SEMA6D: variants seen among roughly 807,000 people sequenced by gnomAD.
SEMA6D encodes semaphorin 6D, also known as semaphorin-6D.
A neutral mutation model predicts 106.6 loss-of-function variants in SEMA6D; 35 were observed. The observed-to-expected ratio is 0.33, with a 90% CI of 0.25 to 0.44. The LOEUF is 0.44. Among genes scored for constraint, SEMA6D ranks in the 20% least tolerant of loss-of-function variants. The pLI, the probability that SEMA6D is intolerant of heterozygous loss-of-function variation, is 1.00. For missense variants in SEMA6D, 1,185 were observed against 1,345.9 expected (o/e 0.88, Z 1.87); for synonymous variants, 499 against 487.7 (o/e 1.02, Z -0.31).
At position 47,340,764 on chromosome 15, in the gene SEMA6D, A is replaced by G. The variant is rs183176785; in HGVS notation, c.-238-71629A>G. ...AAGCAAAAGAAAAGTAAGGAGTAGGAAAGTACTGATTCGAATAGATAGAGA... is the reference window on the plus strand; with the variant it reads ...AAGCAAAAGAAAAGTAAGGAGTAGGGAAGTACTGATTCGAATAGATAGAGA... On this transcript the variant is annotated intron_variant, in intron 1 of 19. Transcript: ENST00000558014. Among the ~76,000 whole-genome samples, 547 of 152,276 alleles carry G rather than the reference A, an allele frequency of 3.6e-3. 4 individuals carry two copies. The highest frequency in any genetic ancestry group is 0.012 in the African/African-American group (517 of 41,570).
chr15:47,209,590 G>A (rs903631787), intron 1 of SEMA6D, among the ~76,000 whole-genome samples: 3 of 152,162 alleles, frequency 2.0e-5, no homozygotes, highest in Non-Finnish European at 4.4e-5. Flanking sequence ...CACTGTTTCA[G>A]TTCAGAGATC....
At chr15:47,754,593 T>C (rs1008581072) in intron 1 of SEMA6D, among the ~76,000 whole-genome samples, 1 of 152,232 alleles carries the variant, frequency 6.6e-6, no homozygotes, top group African/African-American at 2.4e-5. Context: ...TTCAGCATTT[T>C]TACTATGATG....
At chr15:47,702,658 C>G (rs758586663) in intron 4 of SEMA6D, among the ~76,000 whole-genome samples, 1 of 152,042 alleles carries the variant, frequency 6.6e-6, no homozygotes, top group Non-Finnish European at 1.5e-5. Flanking sequence ...ATAATACATT[C>G]GGACCATGGA....
chr15:47,609,106 A>G (rs1269840145), intron 4 of SEMA6D, among the ~76,000 whole-genome samples: 1 of 152,200 alleles, frequency 6.6e-6, no homozygotes, highest in Non-Finnish European at 1.5e-5. Flanking sequence ...TGACTGTCAG[A>G]CTTGGGACAT....
chr15:47,724,036 G>A (rs1316191523), intron 1 of SEMA6D, among the ~76,000 whole-genome samples: 1 of 152,224 alleles, frequency 6.6e-6, no homozygotes, highest in African/African-American at 2.4e-5. Context: ...CAGGGACTGA[G>A]ATTCCCCTCT....
chr15:47,690,442 A>G (rs955946247), intron 4 of SEMA6D, among the ~76,000 whole-genome samples: 4 of 152,200 alleles, frequency 2.6e-5, no homozygotes, highest in African/African-American at 7.2e-5. Flanking sequence ...TTTGTCCACT[A>G]TTCTCCACAA....
At chr15:47,493,219 G>C (rs12442566) in intron 3 of SEMA6D, among the ~76,000 whole-genome samples, 48,468 of 152,044 alleles carry the variant, frequency 0.32, 7,913 homozygotes, top group Middle Eastern at 0.45. Flanking sequence ...ATAAGGCACA[G>C]GTGAACAACA....
intron 1 of SEMA6D, among the ~76,000 whole-genome samples, chr15:47,324,747 C>T (rs536010648): frequency 1.3e-4 from 19 of 150,940 alleles, no homozygotes; most frequent in Middle Eastern, 3.6e-3. Context: ...TGTGCACATA[C>T]GTGTGTATAT....
chr15:47,546,716 T>A (rs1313338223), intron 3 of SEMA6D, among the ~76,000 whole-genome samples: 1 of 151,728 alleles, frequency 6.6e-6, no homozygotes, highest in African/African-American at 2.4e-5. Flanking sequence ...TGGTGGGGCG[T>A]GTACATTTGA....
chr15:47,557,475 G>T (rs1330232231), intron 3 of SEMA6D, among the ~76,000 whole-genome samples: 1 of 152,118 alleles, frequency 6.6e-6, no homozygotes, highest in South Asian at 2.1e-4. Flanking sequence ...TGTCTTGGGT[G>T]CCACCTTCAT....
chr15:47,700,272 A>C (rs1393258915), intron 4 of SEMA6D, among the ~76,000 whole-genome samples: 1 of 152,188 alleles, frequency 6.6e-6, no homozygotes, highest in Non-Finnish European at 1.5e-5. Context: ...AAACATCAAC[A>C]AACTGATTCT....
intron 1 of SEMA6D, among the ~76,000 whole-genome samples, chr15:47,722,930 G>A (rs2079509332): frequency 6.6e-6 from 1 of 152,154 alleles, no homozygotes; most frequent in Admixed American, 6.5e-5. Flanking sequence ...TAAACAAAGT[G>A]AGGTGCTGAG....
chr15:47,260,809 C>G (rs1218035219), intron 1 of SEMA6D, among the ~76,000 whole-genome samples: 1 of 152,104 alleles, frequency 6.6e-6, no homozygotes, highest in Non-Finnish European at 1.5e-5. Context: ...TTATCAGTAG[C>G]AAGACTCCTG....
chr15:47,392,588 T>C (rs990015542), intron 1 of SEMA6D, among the ~76,000 whole-genome samples: 1 of 152,134 alleles, frequency 6.6e-6, no homozygotes, highest in Non-Finnish European at 1.5e-5. Flanking sequence ...ATGAATTCCC[T>C]CTATCCCCCA....
Position 47,772,299 on chromosome 15 carries a change from AT to A in SEMA6D, c.*523del, listed in dbSNP as rs1366831282. 7.3e-5 allele frequency: 11 copies of A among 151,352 alleles called. No homozygotes were observed. The highest frequency in any genetic ancestry group is 4.1e-4 in the South Asian group (2 of 4,926). The allele number at this position is 151,352 out of a possible 1,614,324, so 9.4% of individuals were successfully genotyped here. A position where few individuals can be genotyped will look rare whatever the true frequency, so the allele number is the denominator to read the frequency against. ...TTCAATCTTTGACCCAAGCTGTAGC[AT>A]TTTTTTTTCATGTGTGGCATCTTTT... On this transcript the variant is annotated 3_prime_UTR_variant, in exon 19 of 19. Coordinates refer to ENST00000536845, the MANE Select transcript of SEMA6D (RefSeq NM_001358351.3).
chr15:47,599,991 A>C (rs1297235305), intron 3 of SEMA6D, among the ~76,000 whole-genome samples: 1 of 152,014 alleles, frequency 6.6e-6, no homozygotes, highest in Non-Finnish European at 1.5e-5. Flanking sequence ...GCATTTGGGG[A>C]ATTTGTACCA....
intron 1 of SEMA6D, among the ~76,000 whole-genome samples, chr15:47,410,229 T>C (rs1029541140): frequency 3.9e-5 from 6 of 152,064 alleles, no homozygotes; most frequent in African/African-American, 7.2e-5. Flanking sequence ...AGGGATCCGC[T>C]TGCCTTGGAC....
At chr15:47,357,073 G>A (rs141138638) in intron 1 of SEMA6D, among the ~76,000 whole-genome samples, 3,950 of 151,722 alleles carry the variant, frequency 0.026, 77 homozygotes, top group South Asian at 0.092. Context: ...GGTGGCTCTC[G>A]TCTGTAATCC....
At chr15:47,198,014 A>T (rs899824373) in intron 1 of SEMA6D, among the ~76,000 whole-genome samples, 1 of 152,172 alleles carries the variant, frequency 6.6e-6, no homozygotes, top group African/African-American at 2.4e-5. Context: ...CACATGTAAC[A>T]TAATGCCCTC....
Sources: gnomAD v4.1 joint callset for allele counts (sites outside exome capture counted in the v4.1 genomes callset) on GRCh38, gnomAD v4.1.1 for gene constraint, MANE v1.5 for transcripts, NCBI Gene and HGNC (gene_info 2026-07-23, HGNC 2026-07-21) for gene names.